The following IGLL5 variants were observed in gnomAD, a reference collection of about 807,000 sequenced individuals.
IGLL5 encodes the protein immunoglobulin lambda-like polypeptide 5.
IGLL5 carries 30 observed loss-of-function variants against 20.9 expected under a neutral mutation model. The observed-to-expected ratio is 1.44, with a 90% CI of 1.07 to 1.95. The LOEUF (loss-of-function observed/expected upper bound fraction) is 1.95. Among genes scored for constraint, IGLL5 ranks in the 30% most tolerant of loss-of-function variants. The pLI is 0.00. For synonymous variants in IGLL5, 203 were observed against 117.3 expected (o/e 1.73, Z -4.72); for missense variants, 475 against 270.7 (o/e 1.75, Z -5.30).
intron 1 of IGLL5, among the ~76,000 whole-genome samples, chr22:22,888,812 T>C (rs573075710): frequency 4.6e-5 from 7 of 151,294 alleles, no homozygotes; most frequent in South Asian, 2.1e-4. Flanking sequence ...AGGGGAGCTG[T>C]CCAGTCATTG....
intron 1 of IGLL5, among the ~76,000 whole-genome samples, chr22:22,892,228 T>C (rs1028097464): frequency 2.6e-5 from 4 of 151,346 alleles, no homozygotes; most frequent in Non-Finnish European, 4.4e-5. Context: ...AAGTGTTGAA[T>C]TTATATTACT....
At chr22:22,894,029 C>G (rs1368979797) in intron 2 of IGLL5, among the ~76,000 whole-genome samples, 1 of 151,514 alleles carries the variant, frequency 6.6e-6, no homozygotes, top group African/African-American at 2.4e-5. Flanking sequence ...CAGCCTGGTC[C>G]CGGGGCCTGA....
chr22:22,888,971 C>T (rs569121082), intron 1 of IGLL5, among the ~76,000 whole-genome samples: 2 of 151,286 alleles, frequency 1.3e-5, no homozygotes, highest in African/African-American at 2.4e-5. Flanking sequence ...GAGGAGAGCA[C>T]AGGATGAGGC....
In IGLL5 at chr22:22,888,102, G is replaced by A. The variant is rs921197053; in HGVS notation, c.49G>A (p.Gly17Ser). The change falls in exon 1 of 3, where the codon GGC (glycine) becomes AGC (serine). Residue 17 changes from glycine to serine, a missense_variant. Transcript: ENST00000526893. ...QVGCETPEELGPGPRQRWPLL... is the reference protein window; with the variant it reads ...QVGCETPEELSPGPRQRWPLL... ...GGGTTGTGAGACCCCTGAGGAGCTG[G>A]GCCCTGGTCCCAGGCAGCGCTGGCC... 17 of 1,549,312 alleles carry A rather than the reference G, an allele frequency of 1.1e-5. No individual in the cohort carries two copies. The highest frequency in any genetic ancestry group is 1.2e-5 in the Non-Finnish European group (14 of 1,146,630).
At chr22:22,888,703 G>A (rs919248635) in intron 1 of IGLL5, among the ~76,000 whole-genome samples, 1 of 151,274 alleles carries the variant, frequency 6.6e-6, no homozygotes, top group African/African-American at 2.4e-5. Context: ...AGGCAGCAAG[G>A]GCTTGGTTTG....
rs549872456 is a variant in IGLL5 at position 22,895,787 on chromosome 22, C to T, written c.*93C>T. Reference sequence around the variant, plus strand: ...CCATCCCAAGTCATCCAGCCCTTCTCCCTGCACTCATGAAACCCCAATAAA... The same window carrying T: ...CCATCCCAAGTCATCCAGCCCTTCTTCCTGCACTCATGAAACCCCAATAAA... On this transcript the variant is annotated 3_prime_UTR_variant, in exon 3 of 3. Transcript: ENST00000526893. 2.6e-6 allele frequency: 3 copies of T among 1,169,708 alleles called. No individual in the cohort carries two copies. Among genetic ancestry groups the T allele is most frequent in the Non-Finnish European group, 2.6e-6 (2 of 780,650 alleles). The allele number at this position is 1,169,708 out of a possible 1,614,324, so 72.5% of individuals were successfully genotyped here. A position where few individuals can be genotyped will look rare whatever the true frequency, so the allele number is the denominator to read the frequency against.
intron 1 of IGLL5, among the ~76,000 whole-genome samples, chr22:22,891,745 T>C (rs755887428): frequency 6.6e-6 from 1 of 151,356 alleles, no homozygotes; most frequent in Non-Finnish European, 1.5e-5. Context: ...AAAGGGTTTG[T>C]AAATATAATT....
At chr22:22,894,761 A>C (rs2066694460) in intron 2 of IGLL5, among the ~76,000 whole-genome samples, 1 of 151,076 alleles carries the variant, frequency 6.6e-6, no homozygotes, top group South Asian at 2.1e-4. Flanking sequence ...GGGCTTGTGG[A>C]GACAGGAAAC....
At chr22:22,889,215 T>C (rs534834371) in intron 1 of IGLL5, among the ~76,000 whole-genome samples, 2 of 150,874 alleles carry the variant, frequency 1.3e-5, no homozygotes, top group Non-Finnish European at 3.0e-5. Flanking sequence ...GAGGAAGCCG[T>C]GCCTTGGGGA....
intron 1 of IGLL5, among the ~76,000 whole-genome samples, chr22:22,890,579 GTGTGTGTGTGTGTGTGTGTGTA>G (rs1426546255): frequency 1.5e-4 from 22 of 144,456 alleles, no homozygotes; most frequent in African/African-American, 7.6e-5. Context: ...GTGTGTGTGT[GTGTGTGTGTGTGTGTGTGTGTA>G]TGTGTACAAA....
rs140536745 is a variant in IGLL5, at chr22:22,888,364, T to A, written c.206+105T>A. On this transcript the variant is annotated intron_variant, in intron 1 of 2. Coordinates refer to ENST00000526893, the MANE Select transcript of IGLL5 (RefSeq NM_001178126.2). Reference sequence around the variant, plus strand: ...AGGAGTGAGGAGGAAGGTTAACCCCTAAGAGGGGCCTGGGCTGACACTGGC... The same window carrying A: ...AGGAGTGAGGAGGAAGGTTAACCCCAAAGAGGGGCCTGGGCTGACACTGGC... The A allele has an allele frequency of 7.8e-6, 8 of 1,029,220 alleles. 1 individual carries two copies. Among genetic ancestry groups the A allele is most frequent in the Admixed American group, 4.9e-5 (2 of 40,606 alleles). 63.8% of individuals were successfully genotyped at this position (1,029,220 alleles called of 1,614,324 possible). A position where few individuals can be genotyped will look rare whatever the true frequency, so the allele number is the denominator to read the frequency against.
At position 22,893,616 on chromosome 22, in the gene IGLL5, C is replaced by T. The variant is rs1296945902; in HGVS notation, c.207-84C>T. On this transcript the variant is annotated intron_variant, in intron 1 of 2. Coordinates refer to ENST00000526893, the MANE Select transcript of IGLL5 (RefSeq NM_001178126.2). ...TGGACAGCAGACAGGCACAGGGACA[C>T]CTCTAGGGGGCTGGCCACCCCCCTG... is the stretch of plus-strand genomic sequence containing the variant. 6 of 774,358 alleles carry T rather than the reference C, an allele frequency of 7.7e-6. No homozygotes were observed. In the Admixed American group the frequency reaches 1.1e-4, roughly 14 times the overall value. The allele number at this position is 774,358 out of a possible 1,614,324, so 48.0% of individuals were successfully genotyped here.
chr22:22,888,252 T>TGGGGCAGGTAA lies in IGLL5; in HGVS notation c.206_206+10dup, dbSNP rs1375778029. The TGGGGCAGGTAA allele has an allele frequency of 1.3e-6, 2 of 1,547,108 alleles. No individual in the cohort carries two copies. The highest frequency in any genetic ancestry group is 1.4e-5 in the African/African-American group (1 of 72,570). ...CAGCCGATCCAGCCTGCGGAGCCTG[T>TGGGGCAGGTAA]GGGGCAGGTAAGGGGCAAGAGATTC... On this transcript the variant is annotated stop_gained and frameshift_variant, in exon 1 of 3. Coordinates refer to ENST00000526893, the MANE Select transcript of IGLL5 (RefSeq NM_001178126.2). LOFTEE classifies it high-confidence loss of function.
Position 22,894,202 on chromosome 22 carries a change from G to A in IGLL5, c.325+384G>A, listed in dbSNP as rs1469823942. 2.0e-4 allele frequency among the ~76,000 whole-genome samples: 31 copies of A among 151,244 alleles called. 2 individuals are homozygous for A. The highest frequency in any genetic ancestry group is 1.0e-3 in the East Asian group (5 of 4,922). ...GGCTGCTGGGGTGGGCCTGGGAGCT[G>A]CTGAGTCTCATAGTCTAGGGGAGCA... is the stretch of plus-strand genomic sequence containing the variant. On this transcript the variant is annotated intron_variant, in intron 2 of 2. Coordinates refer to ENST00000526893, the MANE Select transcript of IGLL5 (RefSeq NM_001178126.2).
At chr22:22,894,215 G>A (rs546872501) in intron 2 of IGLL5, among the ~76,000 whole-genome samples, 3 of 151,330 alleles carry the variant, frequency 2.0e-5, no homozygotes, top group Admixed American at 6.6e-5. Flanking sequence ...GAGTCTCATA[G>A]TCTAGGGGAG....
chr22:22,894,325 G>T (rs2068016705), intron 2 of IGLL5, among the ~76,000 whole-genome samples: 1 of 151,518 alleles, frequency 6.6e-6, no homozygotes, highest in African/African-American at 2.4e-5. Context: ...CCCAAGGGGA[G>T]ACCAATGGAG....
In IGLL5 at chr22:22,896,052, A is replaced by G; in HGVS notation, c.*358A>G. Reference sequence around the variant, plus strand: ...AGCTACCAGTCTGGCATCAGTTCAGACCAGTCCCACACCCTCCTAAATTTT... The same window carrying G: ...AGCTACCAGTCTGGCATCAGTTCAGGCCAGTCCCACACCCTCCTAAATTTT... On this transcript the variant is annotated 3_prime_UTR_variant, in exon 3 of 3. Transcript: ENST00000526893. 2.2e-6 allele frequency: 1 copy of G among 453,804 alleles called. No homozygotes were observed. The allele number at this position is 453,804 out of a possible 1,614,324, so 28.1% of individuals were successfully genotyped here. A position where few individuals can be genotyped will look rare whatever the true frequency, so the allele number is the denominator to read the frequency against.
intron 1 of IGLL5, among the ~76,000 whole-genome samples, chr22:22,888,858 G>T (rs571368186): frequency 2.0e-5 from 3 of 151,366 alleles, no homozygotes; most frequent in South Asian, 2.1e-4. Context: ...AGCAATAAAG[G>T]GAGAGGGGAT....
At position 22,895,829 on chromosome 22, in the gene IGLL5, C is replaced by A; in HGVS notation, c.*135C>A. 1 of 854,080 alleles carries A rather than the reference C, an allele frequency of 1.2e-6. No individual in the cohort carries two copies. The highest frequency in any genetic ancestry group is 1.5e-5 in the South Asian group (1 of 66,498). The allele number at this position is 854,080 out of a possible 1,614,324, so 52.9% of individuals were successfully genotyped here. On this transcript the variant is annotated 3_prime_UTR_variant, in exon 3 of 3. Transcript: ENST00000526893. ...CCCAATAAATATCCTCATTGACAACCAGAAATCTTGTTTTATCTCATTTTT... is the reference window on the plus strand; with the variant it reads ...CCCAATAAATATCCTCATTGACAACAAGAAATCTTGTTTTATCTCATTTTT...
Sources: gnomAD v4.1 joint callset for allele counts (sites outside exome capture counted in the v4.1 genomes callset) on GRCh38, gnomAD v4.1.1 for gene constraint, MANE v1.5 for transcripts, NCBI Gene and HGNC (gene_info 2026-07-23, HGNC 2026-07-21) for gene names.